Variants in MINDY4 observed in about 807,000 individuals in gnomAD.
The protein encoded by MINDY4 is MINDY lysine 48 deubiquitinase 4.
Under a neutral mutation model 87.0 loss-of-function variants are expected in MINDY4, and 68 were observed. The ratio of observed to expected loss-of-function variants is 0.78; its 90% CI spans 0.64 to 0.96. The LOEUF is 0.96. Among genes scored for constraint, MINDY4 ranks in the 40% least tolerant of loss-of-function variants. The pLI, the probability that MINDY4 is intolerant of heterozygous loss-of-function variation, is 0.00. For missense variants in MINDY4, 919 were observed against 928.2 expected (o/e 0.99, Z 0.13); for synonymous variants, 379 against 363.2 (o/e 1.04, Z -0.50).
At chr7:30,886,811 T>C (rs141581205) in intron 17 of MINDY4, among the ~76,000 whole-genome samples, 49 of 152,326 alleles carry the variant, frequency 3.2e-4, no homozygotes, top group African/African-American at 1.1e-3. Flanking sequence ...TTACCTTTGC[T>C]TGTGTCAGGA....
chr7:30,837,053 C>T (rs1465228020), intron 7 of MINDY4, among the ~76,000 whole-genome samples: 1 of 152,124 alleles, frequency 6.6e-6, no homozygotes, highest in Non-Finnish European at 1.5e-5. Context: ...CTGTGGGCAC[C>T]GTTAGGGTGT....
At chr7:30,882,150 G>T (rs766068730) in intron 15 of MINDY4, 31 bp from the exon 16 acceptor site, 1 of 1,571,294 alleles carries the variant, frequency 6.4e-7, no homozygotes, top group Non-Finnish European at 8.7e-7. Flanking sequence ...CCTGGGGACG[G>T]CATTTCACAT....
intron 14 of MINDY4, among the ~76,000 whole-genome samples, chr7:30,874,412 A>G (rs1790199356): frequency 6.6e-6 from 1 of 152,174 alleles, no homozygotes; most frequent in South Asian, 2.1e-4. Flanking sequence ...GGCTTGAGTA[A>G]CCCACCTGTG....
chr7:30,871,735 G>A (rs1313420260), intron 13 of MINDY4, among the ~76,000 whole-genome samples: 1 of 152,234 alleles, frequency 6.6e-6, no homozygotes, highest in African/African-American at 2.4e-5. Flanking sequence ...AAGGGTTTTA[G>A]GGAATAATGT....
In MINDY4 at chr7:30,870,411, G is replaced by A. The variant is rs188920871; in HGVS notation, c.1746-1832G>A. 1.6e-4 allele frequency among the ~76,000 whole-genome samples: 24 copies of A among 152,322 alleles called. No individual in the cohort carries two copies. In the East Asian group the frequency reaches 4.4e-3, roughly 28 times the overall value. On this transcript the variant is annotated intron_variant, in intron 13 of 17. Transcript: ENST00000265299. ...CTGCCTGAGCTAGCGCCAGCGAAGCGCTATGCTCTGCCATGAGTCACTCCC... is the reference window on the plus strand; with the variant it reads ...CTGCCTGAGCTAGCGCCAGCGAAGCACTATGCTCTGCCATGAGTCACTCCC...
intron 12 of MINDY4, among the ~76,000 whole-genome samples, chr7:30,855,134 G>A (rs1789532889): frequency 6.6e-6 from 1 of 152,236 alleles, no homozygotes; most frequent in South Asian, 2.1e-4. Flanking sequence ...GGGGCCTGGG[G>A]GCCCCCTTTG....
chr7:30,778,692 C>A, intron 2 of MINDY4, 141 bp downstream of exon 2: 2 of 989,416 alleles, frequency 2.0e-6, no homozygotes, highest in East Asian at 4.8e-5. Flanking sequence ...AACGGACCCC[C>A]CAAATGTGGA....
intron 17 of MINDY4, among the ~76,000 whole-genome samples, chr7:30,891,555 C>T (rs959131100): frequency 1.3e-5 from 2 of 152,208 alleles, no homozygotes; most frequent in African/African-American, 4.8e-5. Context: ...CATTGTTTCG[C>T]ACTCAGCCAT....
At chr7:30,885,714 C>CCG (rs1790613983) in intron 17 of MINDY4, among the ~76,000 whole-genome samples, 1 of 150,838 alleles carries the variant, frequency 6.6e-6, no homozygotes, top group African/African-American at 2.5e-5. Flanking sequence ...CCACCCCCCC[C>CCG]CCAACCCTGC....
chr7:30,839,393 G>A, intron 8 of MINDY4, 77 bp downstream of exon 8: 2 of 864,144 alleles, frequency 2.3e-6, no homozygotes, highest in Admixed American at 2.5e-5. Context: ...TCCCAGTTTT[G>A]GTTAATCCTG....
chr7:30,799,339 C>A (rs889619174), intron 5 of MINDY4, among the ~76,000 whole-genome samples: 3 of 152,062 alleles, frequency 2.0e-5, no homozygotes, highest in African/African-American at 7.2e-5. Flanking sequence ...CTTTGGAGTC[C>A]TTCCTAGACT....
intron 3 of MINDY4, among the ~76,000 whole-genome samples, chr7:30,785,268 T>TCACACA (rs1787125250): frequency 1.2e-5 from 1 of 85,596 alleles, no homozygotes. Context: ...TCTCTCTCTC[T>TCACACA]GACACACACA....
intron 13 of MINDY4, among the ~76,000 whole-genome samples, chr7:30,870,873 G>A (rs1209273666): frequency 6.6e-6 from 1 of 152,192 alleles, no homozygotes; most frequent in African/African-American, 2.4e-5. Context: ...GAAGGAAGGG[G>A]GCCAGGCTCT....
intron 5 of MINDY4, among the ~76,000 whole-genome samples, chr7:30,809,793 AG>A (rs869223350): frequency 6.5e-4 from 97 of 148,372 alleles, no homozygotes; most frequent in African/African-American, 2.2e-3. Context: ...GAAAAAAAAA[AG>A]GGGGAAAAAA....
chr7:30,783,752 T>C (rs1017092946), intron 3 of MINDY4, among the ~76,000 whole-genome samples: 3 of 152,250 alleles, frequency 2.0e-5, no homozygotes, highest in Admixed American at 2.0e-4. Context: ...TACAATTCAC[T>C]GTTTATTTTA....
At chr7:30,851,435 A>G (rs1789410287) in intron 10 of MINDY4, among the ~76,000 whole-genome samples, 1 of 151,838 alleles carries the variant, frequency 6.6e-6, no homozygotes. Context: ...TATAAATATG[A>G]TTATCAGTTT....
chr7:30,875,409 C>T lies in MINDY4; in HGVS notation c.1810-86C>T, dbSNP rs1790227678. ...CTCCTTGCTTTCCTTCCTTCTCCACCCTTTTTGTCTTTCCCCAGTCTCCTC... is the reference window on the plus strand; with the variant it reads ...CTCCTTGCTTTCCTTCCTTCTCCACTCTTTTTGTCTTTCCCCAGTCTCCTC... On this transcript the variant is annotated intron_variant, in intron 14 of 17. Coordinates refer to ENST00000265299, the MANE Select transcript of MINDY4 (RefSeq NM_032222.3). The T allele has an allele frequency of 1.4e-5, 20 of 1,445,416 alleles. No homozygotes were observed. In the Admixed American group the frequency reaches 3.0e-4, roughly 22 times the overall value. The allele number at this position is 1,445,416 out of a possible 1,614,324, so 89.5% of individuals were successfully genotyped here. A position where few individuals can be genotyped will look rare whatever the true frequency, so the allele number is the denominator to read the frequency against.
At chr7:30,798,480 C>A (rs1562534280) in intron 5 of MINDY4, among the ~76,000 whole-genome samples, 1 of 151,870 alleles carries the variant, frequency 6.6e-6, no homozygotes, top group Non-Finnish European at 1.5e-5. Flanking sequence ...TAATTTATAC[C>A]TCTGGTCTGC....
At chr7:30,820,069 T>C (rs1788280716) in intron 5 of MINDY4, among the ~76,000 whole-genome samples, 1 of 150,804 alleles carries the variant, frequency 6.6e-6, no homozygotes, top group African/African-American at 2.4e-5. Context: ...GCCCGGCTAA[T>C]TTTTTGTATT....
Sources: allele counts gnomAD v4.1 joint callset (sites outside exome capture counted in the v4.1 genomes callset), GRCh38; gene constraint gnomAD v4.1.1; transcripts MANE v1.5; gene names NCBI Gene and HGNC (gene_info 2026-07-23, HGNC 2026-07-21).